UGT1A8: variants seen among roughly 807,000 people sequenced by gnomAD.
UGT1A8 encodes the protein UDP glucuronosyltransferase family 1 member A8.
Under a neutral mutation model 45.3 loss-of-function variants are expected in UGT1A8, and 39 were observed. The observed-to-expected ratio is 0.86, with a 90% CI of 0.67 to 1.12. The LOEUF (loss-of-function observed/expected upper bound fraction) is 1.12, where lower values mean the gene tolerates loss of function less well. Ranked by LOEUF, UGT1A8 falls within the 50% of genes most tolerant of loss-of-function variation. The pLI, the probability that UGT1A8 is intolerant of heterozygous loss-of-function variation, is 0.00. For synonymous variants in UGT1A8, 275 were observed against 249.2 expected, an observed-to-expected ratio of 1.10 and a Z score of -0.97; for missense variants, 719 against 664.9, an observed-to-expected ratio of 1.08 and a Z score of -0.90.
chr2:233,758,527 A>G (rs1696905658), intron 1 of UGT1A8, among the ~76,000 whole-genome samples: 1 of 152,232 alleles, frequency 6.6e-6, no homozygotes, highest in East Asian at 1.9e-4. Context: ...GAGTGAAAGC[A>G]TTGCTATGTC....
intron 1 of UGT1A8, among the ~76,000 whole-genome samples, chr2:233,638,226 A>G (rs1486924822): frequency 6.6e-6 from 1 of 152,156 alleles, no homozygotes; most frequent in Non-Finnish European, 1.5e-5. Flanking sequence ...AAAAATTTTC[A>G]CTATATAAGC....
chr2:233,638,089 G>A (rs970501218), intron 1 of UGT1A8, among the ~76,000 whole-genome samples: 4 of 152,094 alleles, frequency 2.6e-5, no homozygotes, highest in African/African-American at 9.7e-5. Context: ...GTAGACTAGA[G>A]TCCTACACGT....
chr2:233,690,396 T>C lies in UGT1A8; in HGVS notation c.855+71834T>C, dbSNP rs576943565. 5.3e-6 allele frequency: 6 copies of C among 1,133,506 alleles called. No individual in the cohort carries two copies. In the South Asian group the frequency reaches 8.5e-5, roughly 16 times the overall value. 70.2% of individuals were successfully genotyped at this position (1,133,506 alleles called of 1,614,324 possible). A position where few individuals can be genotyped will look rare whatever the true frequency, so the allele number is the denominator to read the frequency against. On this transcript the variant is annotated intron_variant, in intron 1 of 4. Transcript: ENST00000373450. Reference sequence around the variant, plus strand: ...TAGGGTCCACGTTTCCAGACCTTCCTATTCCCAACATGAAATTACCTTCAT... The same window carrying C: ...TAGGGTCCACGTTTCCAGACCTTCCCATTCCCAACATGAAATTACCTTCAT...
Position 233,765,707 on chromosome 2 carries a change from ATAAT to A in UGT1A8, c.856-1322_856-1319del, listed in dbSNP as rs1196419117. Among the ~76,000 whole-genome samples, 12 of 144,042 alleles carry A rather than the reference ATAAT, an allele frequency of 8.3e-5. No individual in the cohort carries two copies. The East Asian group carries it at 2.3e-3, about 27-fold the overall frequency. 94.5% of individuals were successfully genotyped at this position (144,042 alleles called of 152,430 possible). Reference sequence around the variant, plus strand: ...GAACTTCAAGTAAATAATAATAATAATAATTAATAATAATAATAATAATAAATAA... The same window carrying A: ...GAACTTCAAGTAAATAATAATAATAATAATAATAATAATAATAATAAATAA... On this transcript the variant is annotated intron_variant, in intron 1 of 4. Transcript: ENST00000373450.
chr2:233,730,126 G>T, intron 1 of UGT1A8: 1 of 1,542,516 alleles, frequency 6.5e-7, no homozygotes, highest in Non-Finnish European at 8.7e-7. Flanking sequence ...TGTCATAATA[G>T]CCTTCAGTGA....
At chr2:233,683,608 C>T (rs188333469) in intron 1 of UGT1A8, among the ~76,000 whole-genome samples, 49 of 152,078 alleles carry the variant, frequency 3.2e-4, no homozygotes, top group Admixed American at 1.0e-3. Flanking sequence ...ATTATTTATT[C>T]GGATTCTGTT....
chr2:233,655,352 G>A (rs2741038), intron 1 of UGT1A8, among the ~76,000 whole-genome samples: 33,450 of 152,054 alleles, frequency 0.22, 4,686 homozygotes, highest in South Asian at 0.38. Context: ...AACACTGGAA[G>A]TCTCACGTCC....
In UGT1A8 at chr2:233,748,123, A is replaced by G. The variant is rs1228828484; in HGVS notation, c.856-18911A>G. On this transcript the variant is annotated intron_variant, in intron 1 of 4. Transcript: ENST00000373450. ...ATCCAATCAATGTTCCAGGCAAAAC[A>G]GTTTTTAAAAATTGTATTTACTTAC... The G allele has an allele frequency of 8.7e-6, 14 of 1,610,818 alleles. No individual in the cohort carries two copies. In the Admixed American group the frequency reaches 2.2e-4, roughly 25 times the overall value.
intron 1 of UGT1A8, among the ~76,000 whole-genome samples, chr2:233,750,227 A>C (rs977533582): frequency 6.6e-6 from 1 of 151,900 alleles, no homozygotes; most frequent in Admixed American, 6.5e-5. Flanking sequence ...GAGATGAGGA[A>C]CTTATTGGGA....
In UGT1A8 at chr2:233,709,929, AC is replaced by A. The variant is rs753284921; in HGVS notation, c.856-57102del. 8.4e-4 allele frequency among the ~76,000 whole-genome samples: 128 copies of A among 152,252 alleles called. 1 individual carries two copies. Among genetic ancestry groups the A allele is most frequent in the Non-Finnish European group, 3.8e-4 (26 of 68,008 alleles). ...CTAATACCTCCCCTCACCTTAGGCA[AC>A]CCTGGATGGTTTCTGTTGCTGGATA... On this transcript the variant is annotated intron_variant, in intron 1 of 4. Coordinates refer to ENST00000373450, the MANE Select transcript of UGT1A8 (RefSeq NM_019076.5).
intron 1 of UGT1A8, among the ~76,000 whole-genome samples, chr2:233,633,909 G>A (rs897909721): frequency 6.6e-6 from 1 of 151,940 alleles, no homozygotes; most frequent in Non-Finnish European, 1.5e-5. Context: ...TTATGGTTTT[G>A]ATTTTAGATC....
rs2072938230 is a variant in UGT1A8, at chr2:233,618,166, T to G, written c.459T>G (p.Cys153Trp). The part of the protein sequence containing the change: ...DAVFLDPFDA[C>W]GLIVAKYFSL... Reference sequence around the variant, plus strand: ...TGTTTCTTGATCCTTTTGATGCCTGTGGCTTAATTGTTGCCAAATATTTCT... The same window carrying G: ...TGTTTCTTGATCCTTTTGATGCCTGGGGCTTAATTGTTGCCAAATATTTCT... Residue 153 changes from cysteine to tryptophan, a missense_variant, in exon 1 of 5, where the codon TGT (cysteine) becomes TGG (tryptophan). Cys to Trp is a radical substitution (Grantham distance 215). Coordinates refer to ENST00000373450, the MANE Select transcript of UGT1A8 (RefSeq NM_019076.5). The G allele has an allele frequency of 1.9e-6, 3 of 1,614,140 alleles. No homozygotes were observed. Among genetic ancestry groups the G allele is most frequent in the Non-Finnish European group, 2.5e-6 (3 of 1,180,030 alleles).
chr2:233,735,336 G>GC (rs1210118835), intron 1 of UGT1A8, among the ~76,000 whole-genome samples: 3 of 151,898 alleles, frequency 2.0e-5, no homozygotes, highest in Non-Finnish European at 2.9e-5. Flanking sequence ...TGCAACCCCT[G>GC]CTTTTTTTTT....
In UGT1A8 at chr2:233,650,990, C is replaced by T. The variant is rs186175565; in HGVS notation, c.855+32428C>T. On this transcript the variant is annotated intron_variant, in intron 1 of 4. Coordinates refer to ENST00000373450, the MANE Select transcript of UGT1A8 (RefSeq NM_019076.5). ...TAACACAGTTGTATGTCTCACACAT[C>T]GGCAGCTGTTTGGTAAAGGATTGAC... 1.4e-3 allele frequency among the ~76,000 whole-genome samples: 213 copies of T among 152,256 alleles called. 3 individuals carry two copies. The highest frequency in any genetic ancestry group is 4.8e-3 in the African/African-American group (201 of 41,548).
Position 233,651,386 on chromosome 2 carries a change from C to T in UGT1A8, c.855+32824C>T, listed in dbSNP as rs191053355. Among the ~76,000 whole-genome samples the T allele has an allele frequency of 1.6e-4, 24 of 152,038 alleles. No individual in the cohort carries two copies. The East Asian group carries it at 4.6e-3, about 29-fold the overall frequency. Reference sequence around the variant, plus strand: ...ATGTATAAAATAGGAAACATATTGGCCATATATCATTTTATATATTTTTGG... The same window carrying T: ...ATGTATAAAATAGGAAACATATTGGTCATATATCATTTTATATATTTTTGG... On this transcript the variant is annotated intron_variant, in intron 1 of 4. Transcript: ENST00000373450.
At chr2:233,620,095 A>G (rs1490925690) in intron 1 of UGT1A8, among the ~76,000 whole-genome samples, 1 of 152,222 alleles carries the variant, frequency 6.6e-6, no homozygotes, top group Non-Finnish European at 1.5e-5. Flanking sequence ...TATAAGGTTC[A>G]GTAGACTTTG....
At chr2:233,633,891 T>G (rs1454600478) in intron 1 of UGT1A8, among the ~76,000 whole-genome samples, 2 of 152,208 alleles carry the variant, frequency 1.3e-5, no homozygotes, top group African/African-American at 4.8e-5. Context: ...GTTCTTTTAA[T>G]TGTGATGTTA....
At chr2:233,627,702 G>C (rs943184430) in intron 1 of UGT1A8, among the ~76,000 whole-genome samples, 1 of 126,986 alleles carries the variant, frequency 7.9e-6, no homozygotes, top group African/African-American at 3.0e-5. Flanking sequence ...CTTTTCCACT[G>C]GTCCTTATCT....
At chr2:233,751,721 A>G (rs1455896739) in intron 1 of UGT1A8, among the ~76,000 whole-genome samples, 3 of 152,224 alleles carry the variant, frequency 2.0e-5, no homozygotes, top group African/African-American at 7.2e-5. Context: ...CTCACAAGTG[A>G]ACTCTTCCTC....
Sources: gnomAD v4.1 joint callset for allele counts (sites outside exome capture counted in the v4.1 genomes callset) on GRCh38, gnomAD v4.1.1 for gene constraint, MANE v1.5 for transcripts, NCBI Gene and HGNC (gene_info 2026-07-23, HGNC 2026-07-21) for gene names.